GULP1: variants seen among roughly 807,000 people sequenced by gnomAD.
GULP1 encodes the protein GULP PTB domain containing engulfment adaptor 1.
A neutral mutation model predicts 40.9 loss-of-function variants in GULP1; 19 were observed. That is an observed-to-expected ratio of 0.46 (90% CI 0.32 to 0.68). GULP1 has a LOEUF of 0.68. Among genes scored for constraint, GULP1 ranks in the 30% least tolerant of loss-of-function variants. The pLI is 0.03. For missense variants in GULP1, 312 were observed against 362.2 expected (o/e 0.86, Z 1.12); for synonymous variants, 119 against 117.6 (o/e 1.01, Z -0.08).
At chr2:188,518,032 G>C (rs1296654182) in intron 4 of GULP1, among the ~76,000 whole-genome samples, 1 of 151,962 alleles carries the variant, frequency 6.6e-6, no homozygotes, top group Non-Finnish European at 1.5e-5. Flanking sequence ...CAGGCAGAGT[G>C]GAAAAGATAA....
chr2:188,304,409 G>C (rs1470061539), intron 1 of GULP1, among the ~76,000 whole-genome samples: 1 of 152,152 alleles, frequency 6.6e-6, no homozygotes, highest in Non-Finnish European at 1.5e-5. Context: ...ATAGTATTTA[G>C]AGTGCTATGT....
At chr2:188,364,873 TACAC>T (rs34440863) in intron 1 of GULP1, among the ~76,000 whole-genome samples, 26,564 of 149,506 alleles carry the variant, frequency 0.18, 2,435 homozygotes, top group South Asian at 0.24. Context: ...CACACACATA[TACAC>T]ACACACACAC....
chr2:188,563,250 C>A (rs188010968), intron 7 of GULP1, among the ~76,000 whole-genome samples: 3 of 151,928 alleles, frequency 2.0e-5, no homozygotes, highest in Non-Finnish European at 2.9e-5. Context: ...ATGAAATTAG[C>A]AATCTCTAAA....
At chr2:188,439,794 A>T (rs2057757264) in intron 2 of GULP1, among the ~76,000 whole-genome samples, 1 of 152,272 alleles carries the variant, frequency 6.6e-6, no homozygotes, top group African/African-American at 2.4e-5. Flanking sequence ...TCATCATGAA[A>T]AAAATCAAAA....
intron 2 of GULP1, among the ~76,000 whole-genome samples, chr2:188,403,778 C>G (rs891725853): frequency 1.3e-5 from 2 of 152,036 alleles, no homozygotes; most frequent in African/African-American, 4.8e-5. Context: ...AGCAGTGAGC[C>G]CAGGGAGAAG....
intron 2 of GULP1, among the ~76,000 whole-genome samples, chr2:188,431,224 C>A (rs777069162): frequency 6.6e-6 from 1 of 151,944 alleles, no homozygotes; most frequent in Non-Finnish European, 1.5e-5. Context: ...GGAGGAAAAC[C>A]GTGTCTTTTT....
At chr2:188,374,478 T>C (rs2048035087) in intron 1 of GULP1, among the ~76,000 whole-genome samples, 1 of 152,132 alleles carries the variant, frequency 6.6e-6, no homozygotes. Flanking sequence ...TATTTCTCTC[T>C]CATAGCTTTG....
chr2:188,303,766 G>C (rs764864692), intron 1 of GULP1, among the ~76,000 whole-genome samples: 36 of 152,148 alleles, frequency 2.4e-4, no homozygotes, highest in Non-Finnish European at 1.0e-4. Context: ...TGATTGACTT[G>C]TGCATATTAG....
intron 2 of GULP1, among the ~76,000 whole-genome samples, chr2:188,430,912 A>G (rs1575197780): frequency 6.6e-6 from 1 of 152,208 alleles, no homozygotes; most frequent in Admixed American, 6.5e-5. Flanking sequence ...GAATCTATAC[A>G]GACAGACAGG....
At chr2:188,502,792 T>C (rs192652805) in intron 4 of GULP1, among the ~76,000 whole-genome samples, 3 of 152,020 alleles carry the variant, frequency 2.0e-5, no homozygotes, top group East Asian at 1.9e-4. Context: ...AAACCTGAGA[T>C]TGGGTAAGTT....
chr2:188,366,106 G>A (rs889700884), intron 1 of GULP1, among the ~76,000 whole-genome samples: 1 of 152,112 alleles, frequency 6.6e-6, no homozygotes, highest in African/African-American at 2.4e-5. Context: ...CCAGCAGCCA[G>A]AGCAGGCCAA....
intron 1 of GULP1, among the ~76,000 whole-genome samples, chr2:188,325,635 C>G (rs4516391): frequency 0.48 from 73,186 of 151,672 alleles, 18,279 homozygotes; most frequent in East Asian, 0.72. Context: ...ACCGGTAGAG[C>G]CAGTATATTC....
chr2:188,513,855 T>C (rs2064870717), intron 4 of GULP1, among the ~76,000 whole-genome samples: 1 of 152,150 alleles, frequency 6.6e-6, no homozygotes, highest in Non-Finnish European at 1.5e-5. Context: ...TGTTGTTTTA[T>C]TCCATGTTAT....
At chr2:188,321,298 T>A (rs2039945428) in intron 1 of GULP1, among the ~76,000 whole-genome samples, 1 of 152,206 alleles carries the variant, frequency 6.6e-6, no homozygotes, top group Non-Finnish European at 1.5e-5. Flanking sequence ...CTTTTATAAT[T>A]TCTAACTATG....
intron 2 of GULP1, among the ~76,000 whole-genome samples, chr2:188,389,181 T>C (rs934602997): frequency 6.6e-6 from 1 of 152,212 alleles, no homozygotes; most frequent in Non-Finnish European, 1.5e-5. Flanking sequence ...TAAAATTTGT[T>C]TGGCTTTGAA....
At chr2:188,412,548 G>T (rs1232599201) in intron 2 of GULP1, among the ~76,000 whole-genome samples, 1 of 152,026 alleles carries the variant, frequency 6.6e-6, no homozygotes, top group African/African-American at 2.4e-5. Context: ...AACACCTGGT[G>T]ATTATGGGAG....
chr2:188,417,655 C>G (rs2054764109), intron 2 of GULP1, among the ~76,000 whole-genome samples: 1 of 152,068 alleles, frequency 6.6e-6, no homozygotes, highest in Admixed American at 6.6e-5. Flanking sequence ...GGAATTTTGA[C>G]TGCATGGAAA....
intron 10 of GULP1, among the ~76,000 whole-genome samples, chr2:188,585,715 C>T (rs1177415271): frequency 2.6e-5 from 4 of 152,152 alleles, no homozygotes; most frequent in African/African-American, 9.7e-5. Flanking sequence ...GCTTGGCCCA[C>T]GAAACCATTT....
chr2:188,527,082 T>C (rs1373819602), intron 5 of GULP1, among the ~76,000 whole-genome samples: 4 of 152,172 alleles, frequency 2.6e-5, no homozygotes, highest in Non-Finnish European at 4.4e-5. Flanking sequence ...CACTCCCTTC[T>C]TACCTCTCCA....
Sources: allele counts gnomAD v4.1 joint callset (sites outside exome capture counted in the v4.1 genomes callset), GRCh38; gene constraint gnomAD v4.1.1; transcripts MANE v1.5; gene names NCBI Gene and HGNC (gene_info 2026-07-23, HGNC 2026-07-21).